The following SAMD4B variants were observed in gnomAD, a reference collection of about 807,000 sequenced individuals.
SAMD4B encodes sterile alpha motif domain containing 4B, also known as protein Smaug homolog 2.
SAMD4B carries 5 observed loss-of-function variants against 74.5 expected under a neutral mutation model. The ratio of observed to expected loss-of-function variants is 0.07; its 90% CI spans 0.04 to 0.14. The LOEUF (loss-of-function observed/expected upper bound fraction) is 0.14. Among genes scored for constraint, SAMD4B ranks in the 10% least tolerant of loss-of-function variants. SAMD4B has a pLI of 1.00. For missense variants in SAMD4B, 608 were observed against 921.8 expected, an observed-to-expected ratio of 0.66 and a Z score of 4.41; for synonymous variants, 373 against 374.9, an observed-to-expected ratio of 1.00 and a Z score of 0.06.
chr19:39,376,014 A>G, intron 5 of SAMD4B, 125 bp downstream of exon 5: 1 of 1,265,222 alleles, frequency 7.9e-7, no homozygotes, highest in Non-Finnish European at 1.1e-6. Flanking sequence ...TGAGGGGAGT[A>G]GATAGTCCCT....
At chr19:39,380,902 G>A (rs2077936345) in intron 11 of SAMD4B, 88 bp from the exon 12 acceptor site, 2 of 1,524,714 alleles carry the variant, frequency 1.3e-6, no homozygotes, top group Non-Finnish European at 1.8e-6. Flanking sequence ...GGGGGTGGGA[G>A]TGGGAGAAGG....
chr19:39,376,214 A>G (rs1264360620), intron 5 of SAMD4B, among the ~76,000 whole-genome samples: 1 of 152,198 alleles, frequency 6.6e-6, no homozygotes, highest in Non-Finnish European at 1.5e-5. Flanking sequence ...GTATACATCC[A>G]GCCTAGCAGC....
intron 1 of SAMD4B, among the ~76,000 whole-genome samples, chr19:39,344,624 C>G (rs1022318745): frequency 5.9e-5 from 9 of 152,172 alleles, no homozygotes; most frequent in Admixed American, 2.6e-4. Context: ...CTCATTTCCC[C>G]ATTCTCTTTC....
intron 1 of SAMD4B, among the ~76,000 whole-genome samples, chr19:39,345,397 T>G (rs1476530217): frequency 1.3e-5 from 2 of 152,224 alleles, no homozygotes; most frequent in African/African-American, 4.8e-5. Flanking sequence ...TTTCAGATCT[T>G]CCTCAGTGCT....
chr19:39,385,737 A>C (rs531967281), downstream of SAMD4B: 1 of 574,096 alleles, frequency 1.7e-6, no homozygotes, highest in South Asian at 2.4e-5. Flanking sequence ...GTGGGAAACC[A>C]TTGGCCCTGC....
rs1277279484 is a variant in SAMD4B at position 39,383,774 on chromosome 19, T to G, written c.*247T>G. Reference sequence around the variant, plus strand: ...CAGCCAGGATAAAGGGGGCAGGGACTGGCCAGACTGCCTGCCTCTCTCCTT... The same window carrying G: ...CAGCCAGGATAAAGGGGGCAGGGACGGGCCAGACTGCCTGCCTCTCTCCTT... On this transcript the variant is annotated 3_prime_UTR_variant, in exon 14 of 14. Transcript: ENST00000610417. This position sits in a 1 kb window ranked among gnomAD's most constrained non-coding sequence, Gnocchi z 4.1. The G allele has an allele frequency of 6.9e-7, 1 of 1,441,372 alleles. No homozygotes were observed. The highest frequency in any genetic ancestry group is 9.4e-7 in the Non-Finnish European group (1 of 1,065,158). 89.3% of individuals were successfully genotyped at this position (1,441,372 alleles called of 1,614,324 possible).
In SAMD4B at chr19:39,358,874, C is replaced by T; in HGVS notation, c.196+1785C>T. ...GGGAGCCACACAGCTGCCTGGCCTC[C>T]CTCATCTCCCCAGGCCCACCTGCCT... On this transcript the variant is annotated intron_variant, in intron 3 of 13. Transcript: ENST00000610417. Among the ~76,000 whole-genome samples the T allele has an allele frequency of 1.3e-5, 2 of 152,180 alleles. 1 individual carries two copies. The highest frequency in any genetic ancestry group is 2.9e-5 in the Non-Finnish European group (2 of 68,030).
At chr19:39,387,854 C>G (rs1407688431), downstream of SAMD4B, among the ~76,000 whole-genome samples, 1 of 152,178 alleles carries the variant, frequency 6.6e-6, no homozygotes, top group African/African-American at 2.4e-5. Context: ...TTAAGATATT[C>G]TGGCTGGGCG....
rs2077695049 is a variant in SAMD4B, at chr19:39,377,805, T to C, written c.1425T>C (p.Phe475=). 1 of 1,602,162 alleles carries C rather than the reference T, an allele frequency of 6.2e-7. No homozygotes were observed. The highest frequency in any genetic ancestry group is 1.3e-5 in the African/African-American group (1 of 74,888). ...PVADGDIPSQ[F]TRVMGKVCTQ... is the part of the protein sequence containing the mutation. ...CCGACGGAGACATCCCCAGCCAGTT[T>C]ACACGGGTGATGGGCAAAGGTGAGA... Residue 475 remains phenylalanine (F), a synonymous_variant, in exon 8 of 14, where the codon TTT becomes TTC. Transcript: ENST00000610417.
At chr19:39,348,041 C>G (rs766788198) in intron 1 of SAMD4B, among the ~76,000 whole-genome samples, 7 of 152,120 alleles carry the variant, frequency 4.6e-5, no homozygotes, top group African/African-American at 7.2e-5. Flanking sequence ...GAAGAGGCCT[C>G]TTTTGGGAGG....
At chr19:39,355,080 C>T (rs967345849) in intron 2 of SAMD4B, among the ~76,000 whole-genome samples, 1 of 152,048 alleles carries the variant, frequency 6.6e-6, no homozygotes, top group African/African-American at 2.4e-5. Flanking sequence ...GCCACTTTGG[C>T]CAGTCTGATC....
chr19:39,343,036 C>T (rs2075416417), intron 1 of SAMD4B, among the ~76,000 whole-genome samples: 1 of 152,036 alleles, frequency 6.6e-6, no homozygotes, highest in African/African-American at 2.4e-5. Flanking sequence ...AGCCCCCGTC[C>T]TCCTCCTGTC....
At chr19:39,390,042 A>T (rs758289031), downstream of SAMD4B, 19 of 1,563,874 alleles carry the variant, frequency 1.2e-5, no homozygotes, top group Non-Finnish European at 1.5e-5. Context: ...CTCATACCTG[A>T]GTAGTTTTCC....
At chr19:39,388,616 C>T (rs143167089), downstream of SAMD4B, 25 of 1,614,044 alleles carry the variant, frequency 1.5e-5, no homozygotes, top group African/African-American at 8.0e-5. Context: ...GTTTCTTCAA[C>T]GTCTCTTCTA....
In SAMD4B at chr19:39,357,004, G is replaced by A. The variant is rs888483610; in HGVS notation, c.111G>A (p.Gln37=). ...TTCTGAAACGGGTCACCCGTACCCA[G>A]GCCCGCTTCCTGCAGCTCTGCCTGG... ...LSLLKRVTRT[Q]ARFLQLCLEH... is the part of the protein sequence containing the mutation. Residue 37 remains glutamine, a synonymous_variant, in exon 3 of 14, where the codon CAG becomes CAA. Coordinates refer to ENST00000610417, the MANE Select transcript of SAMD4B (RefSeq NM_001384574.2). The A allele has an allele frequency of 2.5e-6, 4 of 1,613,970 alleles. No homozygotes were observed. Among genetic ancestry groups the A allele is most frequent in the Non-Finnish European group, 3.4e-6 (4 of 1,180,008 alleles).
intron 3 of SAMD4B, among the ~76,000 whole-genome samples, chr19:39,358,651 C>G (rs1009951472): frequency 6.6e-6 from 1 of 152,006 alleles, no homozygotes; most frequent in South Asian, 2.1e-4. Context: ...TTATATCTAC[C>G]TTCTAGGGTA....
intron 3 of SAMD4B, among the ~76,000 whole-genome samples, chr19:39,366,850 C>G (rs2076990789): frequency 6.6e-6 from 1 of 152,088 alleles, no homozygotes; most frequent in South Asian, 2.1e-4. Context: ...CCTCAGATGT[C>G]TAGGTTTCCA....
Position 39,364,817 on chromosome 19 carries a change from A to G in SAMD4B, c.197-4838A>G, listed in dbSNP as rs137858427. ...TGAAGGACAGCTTCATAATCTTGGCAGTCGGTTCAAGTGAAGACAGACAAG... is the reference window on the plus strand; with the variant it reads ...TGAAGGACAGCTTCATAATCTTGGCGGTCGGTTCAAGTGAAGACAGACAAG... On this transcript the variant is annotated intron_variant, in intron 3 of 13. Coordinates refer to ENST00000610417, the MANE Select transcript of SAMD4B (RefSeq NM_001384574.2). Among the ~76,000 whole-genome samples the G allele has an allele frequency of 4.1e-3, 620 of 152,322 alleles. 5 individuals carry two copies. The highest frequency in any genetic ancestry group is 0.014 in the African/African-American group (588 of 41,568).
At chr19:39,373,675 T>C (rs1042218797) in intron 4 of SAMD4B, among the ~76,000 whole-genome samples, 4 of 152,112 alleles carry the variant, frequency 2.6e-5, no homozygotes, top group South Asian at 2.1e-4. Flanking sequence ...AAAAATCAAG[T>C]TGGAGGCCAG....
Sources: gnomAD v4.1 joint callset for allele counts (sites outside exome capture counted in the v4.1 genomes callset) on GRCh38, gnomAD v4.1.1 for gene constraint, Gnocchi (gnomAD v3.1) non-coding constraint, MANE v1.5 for transcripts, NCBI Gene and HGNC (gene_info 2026-07-23, HGNC 2026-07-21) for gene names.